The following PDXDC1 variants were observed in gnomAD, a reference collection of about 807,000 sequenced individuals.
PDXDC1 encodes pyridoxal dependent decarboxylase domain containing 1, also known as pyridoxal-dependent decarboxylase domain-containing protein 1.
A neutral mutation model predicts 100.1 loss-of-function variants in PDXDC1; 42 were observed. The ratio of observed to expected loss-of-function variants is 0.42; its 90% CI spans 0.33 to 0.54. The LOEUF is 0.54. Among genes scored for constraint, PDXDC1 ranks in the 20% least tolerant of loss-of-function variants. PDXDC1 has a pLI of 0.10. For missense variants in PDXDC1, 636 were observed against 979.2 expected, an observed-to-expected ratio of 0.65 and a Z score of 4.68; for synonymous variants, 260 against 371.7, an observed-to-expected ratio of 0.70 and a Z score of 3.46.
At chr16:15,125,977 A>T (rs1437907709) in intron 16 of PDXDC1, 1 of 600,964 alleles carries the variant, frequency 1.7e-6, no homozygotes, top group East Asian at 2.8e-5. Flanking sequence ...GCCCCTCGCG[A>T]CGTGTGCCAC....
downstream of PDXDC1, among the ~76,000 whole-genome samples, chr16:15,141,956 C>T (rs1435915562): frequency 1.3e-5 from 2 of 152,262 alleles, no homozygotes; most frequent in Non-Finnish European, 2.9e-5. Context: ...AATGAGGCAC[C>T]AGGACCTGAG....
At chr16:15,122,795 G>A (rs1382747593) in intron 16 of PDXDC1, among the ~76,000 whole-genome samples, 63 of 133,400 alleles carry the variant, frequency 4.7e-4, no homozygotes, top group Non-Finnish European at 1.8e-4. Flanking sequence ...GGAAGGGGAC[G>A]GGGACTGGGC....
rs889062453 is a variant in PDXDC1, at chr16:15,072,261, A to G, written c.1399+42205A>G. On this transcript the variant is annotated intron_variant, in intron 16 of 16. Transcript: ENST00000535621. ...TTCCCCCACCAAAAAAAAAAAAAAAAGAAGAAGAAGAAGAAAAGACAAAGC... is the reference window on the plus strand; with the variant it reads ...TTCCCCCACCAAAAAAAAAAAAAAAGGAAGAAGAAGAAGAAAAGACAAAGC... Among the ~76,000 whole-genome samples the G allele has an allele frequency of 2.8e-5, 4 of 144,938 alleles. No homozygotes were observed. The East Asian group carries it at 8.0e-4, about 29-fold the overall frequency.
Position 14,988,154 on chromosome 16 carries a change from C to T in PDXDC1, c.22-9599C>T. 3 of 1,519,918 alleles carry T rather than the reference C, an allele frequency of 2.0e-6. No individual in the cohort carries two copies. In the South Asian group the frequency reaches 3.4e-5, roughly 17 times the overall value. 94.2% of individuals were successfully genotyped at this position (1,519,918 alleles called of 1,614,324 possible). On this transcript the variant is annotated intron_variant, in intron 1 of 22. Transcript: ENST00000396410. ...GCGTCACTGGTTTCCCCCAACAAGGCACAAAGGGCGGGTGCTTCCAAAGGA... is the reference window on the plus strand; with the variant it reads ...GCGTCACTGGTTTCCCCCAACAAGGTACAAAGGGCGGGTGCTTCCAAAGGA...
chr16:15,058,873 G>C (rs973680691), intron 16 of PDXDC1, among the ~76,000 whole-genome samples: 1 of 152,152 alleles, frequency 6.6e-6, no homozygotes, highest in Non-Finnish European at 1.5e-5. Flanking sequence ...GGCTTCAAGA[G>C]ATCCTTTTGC....
At chr16:15,117,600 G>A (rs2047281591) in intron 16 of PDXDC1, among the ~76,000 whole-genome samples, 1 of 149,770 alleles carries the variant, frequency 6.7e-6, no homozygotes, top group Admixed American at 6.7e-5. Context: ...GGCTGAGGCA[G>A]GGGAATCACT....
intron 16 of PDXDC1, among the ~76,000 whole-genome samples, chr16:15,112,615 G>A (rs1305144231): frequency 4.6e-5 from 7 of 151,826 alleles, no homozygotes; most frequent in South Asian, 2.1e-4. Context: ...TTCGAGAGAA[G>A]CAATGGGTAA....
intron 12 of PDXDC1, among the ~76,000 whole-genome samples, chr16:15,021,438 A>G (rs1292598258): frequency 4.6e-5 from 7 of 152,290 alleles, no homozygotes; most frequent in Admixed American, 4.6e-4. Flanking sequence ...AAAGCACTGC[A>G]TTTTTTGAAA....
intron 16 of PDXDC1, chr16:15,055,843 A>T: frequency 1.9e-6 from 2 of 1,038,186 alleles, no homozygotes; most frequent in Non-Finnish European, 2.5e-6. Context: ...CCCGCCCTGC[A>T]GCTTCCCCTC....
chr16:15,015,847 T>C lies in PDXDC1; in HGVS notation c.728-282T>C, dbSNP rs1206081735. 6.6e-6 allele frequency: 4 copies of C among 610,492 alleles called. No homozygotes were observed. In the South Asian group the frequency reaches 7.3e-5, roughly 11 times the overall value. 37.8% of individuals were successfully genotyped at this position (610,492 alleles called of 1,614,324 possible). A position where few individuals can be genotyped will look rare whatever the true frequency, so the allele number is the denominator to read the frequency against. Reference sequence around the variant, plus strand: ...ACAATCTTGGTGGGAGATTTGAATATATTTCTCATGAGTCAGCAGATCAAG... The same window carrying C: ...ACAATCTTGGTGGGAGATTTGAATACATTTCTCATGAGTCAGCAGATCAAG... On this transcript the variant is annotated intron_variant, in intron 8 of 22. Coordinates refer to ENST00000396410, the MANE Select transcript of PDXDC1 (RefSeq NM_015027.4).
At chr16:15,128,655 CACA>C (rs1238415417) in intron 16 of PDXDC1, among the ~76,000 whole-genome samples, 3 of 149,566 alleles carry the variant, frequency 2.0e-5, no homozygotes, top group Non-Finnish European at 4.5e-5. Context: ...CAGTCCACAC[CACA>C]ACCAGTGACC....
intron 16 of PDXDC1, chr16:15,133,483 G>A (rs555204490): frequency 6.0e-6 from 5 of 838,064 alleles, no homozygotes; most frequent in African/African-American, 5.2e-5. Flanking sequence ...CCCACGGCCT[G>A]GCTCACCTGT....
intron 1 of PDXDC1, among the ~76,000 whole-genome samples, chr16:14,976,501 G>A (rs1966842768): frequency 6.6e-6 from 1 of 152,298 alleles, no homozygotes; most frequent in Admixed American, 6.5e-5. Context: ...TGGTTTTCTT[G>A]TGCCATCTCT....
chr16:15,125,550 CCT>C (rs1319176172), intron 16 of PDXDC1: 1 of 1,581,612 alleles, frequency 6.3e-7, no homozygotes, highest in Non-Finnish European at 8.7e-7. Context: ...GGGGAACCCA[CCT>C]CTTAGAATCA....
intron 16 of PDXDC1, chr16:15,133,225 A>T (rs908935230): frequency 3.8e-6 from 5 of 1,318,470 alleles, no homozygotes; most frequent in Non-Finnish European, 5.4e-6. Context: ...CCCAGCACGC[A>T]TGCAGCAGAT....
rs539306989 is a variant in PDXDC1 at position 15,087,130 on chromosome 16, A to G, written c.1400-51749A>G. Among the ~76,000 whole-genome samples the G allele has an allele frequency of 2.7e-4, 41 of 152,200 alleles. 1 individual carries two copies. The highest frequency in any genetic ancestry group is 4.3e-4 in the Non-Finnish European group (29 of 68,036). On this transcript the variant is annotated intron_variant, in intron 16 of 16. Coordinates refer to the PDXDC1 transcript ENST00000535621. ...CTATATTAATTATATTCATGCATAT[A>G]TACTGCACAGGAAAAAAACCATTAA...
chr16:15,076,534 C>T lies in PDXDC1; in HGVS notation c.1399+46478C>T, dbSNP rs757647261. 13 of 1,469,132 alleles carry T rather than the reference C, an allele frequency of 8.8e-6. 1 individual carries two copies. The South Asian group carries it at 1.5e-4, about 17-fold the overall frequency. 91.0% of individuals were successfully genotyped at this position (1,469,132 alleles called of 1,614,324 possible). ...CACCCTTTATGATAAACTTCATCTC[C>T]ACTTTCATTAATAAACTGCTAACCA... On this transcript the variant is annotated intron_variant, in intron 16 of 16. Coordinates refer to the PDXDC1 transcript ENST00000535621.
At chr16:15,065,843 G>T (rs1331498589) in intron 16 of PDXDC1, among the ~76,000 whole-genome samples, 1 of 152,196 alleles carries the variant, frequency 6.6e-6, no homozygotes, top group Non-Finnish European at 1.5e-5. Flanking sequence ...CACTGAAAAA[G>T]AAATAAGCCT....
chr16:15,040,045 T>A, downstream of PDXDC1: 1 of 1,608,852 alleles, frequency 6.2e-7, no homozygotes, highest in Non-Finnish European at 8.5e-7. Flanking sequence ...TCTGTAAATC[T>A]CTGCAGTCTT....
Sources: allele counts gnomAD v4.1 joint callset (sites outside exome capture counted in the v4.1 genomes callset), GRCh38; gene constraint gnomAD v4.1.1; transcripts MANE v1.5; gene names NCBI Gene and HGNC (gene_info 2026-07-23, HGNC 2026-07-21).